The following ABHD12 variants were observed in gnomAD, a reference collection of about 807,000 sequenced individuals.
ABHD12 encodes abhydrolase domain containing 12, lysophospholipase, also known as lysophosphatidylserine lipase ABHD12.
A neutral mutation model predicts 58.3 loss-of-function variants in ABHD12; 43 were observed. The ratio of observed to expected loss-of-function variants is 0.74; its 90% CI spans 0.58 to 0.95. The LOEUF (loss-of-function observed/expected upper bound fraction) is 0.95, where lower values mean the gene tolerates loss of function less well. ABHD12 is among the 40% of genes least tolerant of loss of function. The probability of loss-of-function intolerance (pLI) is 0.00; values close to 1 mark genes in which losing one functional copy is unlikely to be tolerated. For synonymous variants in ABHD12, 219 were observed against 211.2 expected, an observed-to-expected ratio of 1.04 and a Z score of -0.32; for missense variants, 539 against 537.2, an observed-to-expected ratio of 1.00 and a Z score of -0.03.
At chr20:25,360,369 T>C (rs1382404953) in intron 1 of ABHD12, among the ~76,000 whole-genome samples, 4 of 149,220 alleles carry the variant, frequency 2.7e-5, no homozygotes, top group Non-Finnish European at 5.9e-5. Flanking sequence ...GCCTCCCAAG[T>C]AGCTGGGATT....
rs1276277741 is a variant in ABHD12, at chr20:25,390,728, C to T, written c.-25G>A. 2.3e-6 allele frequency: 3 copies of T among 1,294,778 alleles called. No homozygotes were observed. The highest frequency in any genetic ancestry group is 3.4e-5 in the East Asian group (1 of 29,400). 80.2% of individuals were successfully genotyped at this position (1,294,778 alleles called of 1,614,324 possible). A position where few individuals can be genotyped will look rare whatever the true frequency, so the allele number is the denominator to read the frequency against. The stretch of plus-strand genomic sequence containing the variant: ...TCCCGCGGCCGACAGGGCCAGCCGC[C>T]GACGGCGCCCGCTGGCCTGCGCCGC... On this transcript the variant is annotated 5_prime_UTR_variant, in exon 1 of 13. Coordinates refer to ENST00000339157, the MANE Select transcript of ABHD12 (RefSeq NM_001042472.3).
In ABHD12 at chr20:25,323,400, T is replaced by C. The variant is rs2089116602; in HGVS notation, c.347A>G (p.Lys116Arg). 6.2e-7 allele frequency: 1 copy of C among 1,613,636 alleles called. No individual in the cohort carries two copies. Among genetic ancestry groups the C allele is most frequent in the East Asian group, 2.2e-5 (1 of 44,882 alleles). ...VRVPYFIDLK[K>R]PQDQGLNHTC... ...GTGATTCAAACCTTGATCCTGTGGTTTTTTCAAATCAATGAAATAGGGAAC... is the reference window on the plus strand; with the variant it reads ...GTGATTCAAACCTTGATCCTGTGGTCTTTTCAAATCAATGAAATAGGGAAC... The change falls in exon 3 of 13, where the codon AAA becomes AGA. Residue 116 changes from lysine to arginine, a missense_variant. Lys to Arg is a conservative substitution (Grantham distance 26). Transcript: ENST00000339157.
At chr20:25,303,396 T>A (rs1472108372) in intron 11 of ABHD12, 154 bp downstream of exon 11, 17 of 1,521,704 alleles carry the variant, frequency 1.1e-5, no homozygotes, top group Non-Finnish European at 1.5e-5. Context: ...GCAGGGAGGA[T>A]GAGGTGGCCT....
chr20:25,368,170 A>C, intron 1 of ABHD12: 1 of 953,138 alleles, frequency 1.0e-6, no homozygotes, highest in Non-Finnish European at 1.6e-6. Context: ...CTGCAGCAAG[A>C]GCACAAAGAT....
At chr20:25,353,796 C>CA (rs2089633256) in intron 1 of ABHD12, among the ~76,000 whole-genome samples, 2 of 152,216 alleles carry the variant, frequency 1.3e-5, no homozygotes, top group African/African-American at 4.8e-5. Flanking sequence ...CCTTGGGACA[C>CA]ACTGCTCACT....
rs958643371 is a variant in ABHD12 at position 25,312,447 on chromosome 20, C to T, written c.619+2478G>A. On this transcript the variant is annotated intron_variant, in intron 6 of 12. Transcript: ENST00000339157. ...CTGCCAGCATCGGCCTCCACAGGTG[C>T]CGGGATTGCAGACGGAGTCTCGTTC... Among the ~76,000 whole-genome samples, 9 of 134,412 alleles carry T rather than the reference C, an allele frequency of 6.7e-5. No individual in the cohort carries two copies. In the East Asian group the frequency reaches 1.7e-3, roughly 26 times the overall value. The allele number at this position is 134,412 out of a possible 152,430, so 88.2% of individuals were successfully genotyped here.
chr20:25,352,319 C>T (rs748356442), intron 1 of ABHD12, among the ~76,000 whole-genome samples: 28 of 151,942 alleles, frequency 1.8e-4, no homozygotes, highest in Non-Finnish European at 2.6e-4. Context: ...GACGGAGTCT[C>T]GCTCTGTTGC....
At chr20:25,305,712 A>G (rs1442956064) in intron 10 of ABHD12, among the ~76,000 whole-genome samples, 1 of 152,200 alleles carries the variant, frequency 6.6e-6, no homozygotes, top group African/African-American at 2.4e-5. Flanking sequence ...AAAATGTCAC[A>G]AAGACAATAT....
intron 1 of ABHD12, chr20:25,368,439 G>A (rs2089853755): frequency 6.3e-7 from 1 of 1,598,866 alleles, no homozygotes; most frequent in African/African-American, 1.3e-5. Flanking sequence ...ATGAAAAACT[G>A]GGAACCGTTT....
chr20:25,314,845 C>T (rs906137262), intron 6 of ABHD12, 80 bp downstream of exon 6: 1 of 1,531,136 alleles, frequency 6.5e-7, no homozygotes, highest in Non-Finnish European at 9.0e-7. Context: ...CTCCGAGCCT[C>T]TTCGAGTGAG....
In ABHD12 at chr20:25,368,728, C is replaced by A. The variant is rs2089858826; in HGVS notation, c.191+21785G>T. 3 of 1,187,528 alleles carry A rather than the reference C, an allele frequency of 2.5e-6. No individual in the cohort carries two copies. In the East Asian group the frequency reaches 7.9e-5, roughly 31 times the overall value. The allele number at this position is 1,187,528 out of a possible 1,614,324, so 73.6% of individuals were successfully genotyped here. A position where few individuals can be genotyped will look rare whatever the true frequency, so the allele number is the denominator to read the frequency against. ...GAAGGAGACGCGGCCCAAGGGCTTGCCTTCGTCAGCAATGTTGAAGAACAG... is the reference window on the plus strand; with the variant it reads ...GAAGGAGACGCGGCCCAAGGGCTTGACTTCGTCAGCAATGTTGAAGAACAG... On this transcript the variant is annotated intron_variant, in intron 1 of 12. Coordinates refer to ENST00000339157, the MANE Select transcript of ABHD12 (RefSeq NM_001042472.3).
downstream of ABHD12, among the ~76,000 whole-genome samples, chr20:25,299,058 C>T (rs2088593956): frequency 1.3e-5 from 2 of 149,598 alleles, no homozygotes; most frequent in South Asian, 4.3e-4. Flanking sequence ...AGCTGCCACA[C>T]AGTGCACCCT....
At chr20:25,313,979 C>CT (rs570904708) in intron 6 of ABHD12, among the ~76,000 whole-genome samples, 88,735 of 147,616 alleles carry the variant, frequency 0.6, 27,523 homozygotes, top group African/African-American at 0.74. Context: ...CTTAACAGTT[C>CT]TTTTTTTTTT....
At chr20:25,309,278 C>A (rs1371602151) in intron 7 of ABHD12, among the ~76,000 whole-genome samples, 168 bp downstream of exon 7, 1 of 152,156 alleles carries the variant, frequency 6.6e-6, no homozygotes, top group African/African-American at 2.4e-5. Context: ...CCTTTGGAGT[C>A]TCTTTGTAAC....
chr20:25,365,564 T>A (rs921369300), intron 1 of ABHD12, among the ~76,000 whole-genome samples: 3 of 152,234 alleles, frequency 2.0e-5, no homozygotes, highest in Non-Finnish European at 4.4e-5. Context: ...TAATTTTGTA[T>A]GTACAGATAG....
intron 10 of ABHD12, among the ~76,000 whole-genome samples, chr20:25,304,006 T>G (rs2088689033): frequency 1.3e-5 from 2 of 152,264 alleles, no homozygotes; most frequent in African/African-American, 2.4e-5. Flanking sequence ...TTTATCTGTG[T>G]AAGTGACATT....
intron 2 of ABHD12, among the ~76,000 whole-genome samples, chr20:25,326,731 T>C (rs181569378): frequency 2.6e-4 from 34 of 128,874 alleles, no homozygotes; most frequent in Admixed American, 2.0e-3. Context: ...GAGAGAAAAA[T>C]TATGCTTCAA....
intron 2 of ABHD12, among the ~76,000 whole-genome samples, chr20:25,329,939 G>A (rs1386513060): frequency 6.6e-6 from 1 of 152,188 alleles, no homozygotes; most frequent in Non-Finnish European, 1.5e-5. Context: ...ACAAATGCAT[G>A]GAATTGTGTT....
At chr20:25,315,062 T>C in intron 5 of ABHD12, 92 bp from the exon 6 acceptor site, 1 of 1,317,098 alleles carries the variant, frequency 7.6e-7, no homozygotes, top group Non-Finnish European at 1.1e-6. Flanking sequence ...CAACTTTCTC[T>C]CCTCTGCCTT....
Sources: gnomAD v4.1 joint callset for allele counts (sites outside exome capture counted in the v4.1 genomes callset) on GRCh38, gnomAD v4.1.1 for gene constraint, MANE v1.5 for transcripts, NCBI Gene and HGNC (gene_info 2026-07-23, HGNC 2026-07-21) for gene names.